Variants in CACNA1A observed in about 807,000 individuals in gnomAD.
The protein encoded by CACNA1A is calcium voltage-gated channel subunit alpha1 A.
A neutral mutation model predicts 262.4 loss-of-function variants in CACNA1A; 57 were observed. The ratio of observed to expected loss-of-function variants is 0.22; its 90% CI spans 0.18 to 0.27. The LOEUF (loss-of-function observed/expected upper bound fraction) is 0.27. Ranked by LOEUF, CACNA1A falls within the 10% of genes least tolerant of loss-of-function variation. The pLI, the probability that CACNA1A is intolerant of heterozygous loss-of-function variation, is 1.00. For missense variants in CACNA1A, 2,526 were observed against 3,562.8 expected, an observed-to-expected ratio of 0.71 and a Z score of 7.41; for synonymous variants, 1,431 against 1,419.3, an observed-to-expected ratio of 1.01 and a Z score of -0.18.
chr19:13,331,803 G>C (rs2058473654), intron 9 of CACNA1A, among the ~76,000 whole-genome samples: 1 of 150,174 alleles, frequency 6.7e-6, no homozygotes, highest in Admixed American at 6.7e-5. Flanking sequence ...TGGGACCATA[G>C]GTGCGTGTGC....
intron 3 of CACNA1A, among the ~76,000 whole-genome samples, chr19:13,423,815 AAG>A (rs1284830679): frequency 6.6e-6 from 1 of 152,088 alleles, no homozygotes; most frequent in Admixed American, 6.6e-5. Context: ...GCACCTGGCC[AAG>A]AGTTTTCTTC....
intron 1 of CACNA1A, among the ~76,000 whole-genome samples, chr19:13,466,288 G>A (rs57246088): frequency 0.047 from 7,064 of 149,186 alleles, 378 homozygotes; most frequent in African/African-American, 0.13. Flanking sequence ...TACCCTGGGC[G>A]ACACAGTGAG....
intron 6 of CACNA1A, among the ~76,000 whole-genome samples, chr19:13,347,611 G>A (rs755463657): frequency 6.6e-5 from 10 of 152,182 alleles, no homozygotes; most frequent in Non-Finnish European, 1.3e-4. Context: ...AGATTGAGTC[G>A]TTGCGATGGA....
At chr19:13,396,604 A>G (rs1412239983) in intron 3 of CACNA1A, among the ~76,000 whole-genome samples, 3 of 152,228 alleles carry the variant, frequency 2.0e-5, no homozygotes, top group Non-Finnish European at 4.4e-5. Context: ...ATGAATGTAC[A>G]TTTATATTTA....
At chr19:13,475,966 G>A (rs1183788722) in intron 1 of CACNA1A, among the ~76,000 whole-genome samples, 3 of 152,114 alleles carry the variant, frequency 2.0e-5, no homozygotes, top group African/African-American at 7.2e-5. Context: ...ATAGTGCAGG[G>A]GTTTATATGA....
chr19:13,285,277 T>G, intron 20 of CACNA1A, 71 bp from the exon 21 acceptor site: 1 of 1,570,286 alleles, frequency 6.4e-7, no homozygotes, highest in East Asian at 2.2e-5. Context: ...TCCTGTGTAC[T>G]CCCAGGGCAG....
intron 34 of CACNA1A, 22 bp downstream of exon 34, chr19:13,234,899 T>G (rs1568446820): frequency 1.3e-6 from 2 of 1,520,118 alleles, no homozygotes; most frequent in Non-Finnish European, 1.8e-6. Flanking sequence ...AACAGAATTA[T>G]CAGAGCAGGT....
At chr19:13,365,944 A>T (rs1285150934) in intron 4 of CACNA1A, 1 of 152,312 alleles carries the variant, frequency 6.6e-6, no homozygotes, top group Non-Finnish European at 1.5e-5. Context: ...TGCTAGGATT[A>T]TAGGTGTGAG....
chr19:13,384,785 G>A (rs1448931594), intron 3 of CACNA1A, among the ~76,000 whole-genome samples: 2 of 152,120 alleles, frequency 1.3e-5, no homozygotes, highest in African/African-American at 2.4e-5. Flanking sequence ...TGGTCTCCAG[G>A]GCCGCACAGA....
At chr19:13,235,574 T>A (rs745631425) in intron 32 of CACNA1A, 40 bp downstream of exon 32, 19 of 1,385,320 alleles carry the variant, frequency 1.4e-5, no homozygotes, top group Non-Finnish European at 1.7e-5. Flanking sequence ...GGGTCACCTG[T>A]CTTCTCAGCC....
chr19:13,247,074 G>C (rs2144699843), intron 30 of CACNA1A, among the ~76,000 whole-genome samples: 1 of 152,348 alleles, frequency 6.6e-6, no homozygotes, highest in Admixed American at 6.5e-5. Flanking sequence ...CCAAGAGTCT[G>C]GGTCAAAGAG....
chr19:13,216,913 G>C (rs1461855006), intron 38 of CACNA1A, among the ~76,000 whole-genome samples: 1 of 152,100 alleles, frequency 6.6e-6, no homozygotes, highest in African/African-American at 2.4e-5. Flanking sequence ...GCCTGGGGTG[G>C]GGGGCTTGAA....
At chr19:13,240,298 G>A (rs1395167399) in intron 31 of CACNA1A, among the ~76,000 whole-genome samples, 1 of 152,070 alleles carries the variant, frequency 6.6e-6, no homozygotes, top group Non-Finnish European at 1.5e-5. Flanking sequence ...CAGTGACTGT[G>A]TGTGTATAGC....
At chr19:13,208,656 G>C in intron 46 of CACNA1A, 100 bp downstream of exon 46, 1 of 1,379,682 alleles carries the variant, frequency 7.2e-7, no homozygotes, top group Non-Finnish European at 9.6e-7. Flanking sequence ...GCCGGGATCC[G>C]GGGACCTTTG....
intron 3 of CACNA1A, among the ~76,000 whole-genome samples, chr19:13,441,412 A>G (rs57314810): frequency 0.13 from 20,287 of 152,084 alleles, 1,782 homozygotes; most frequent in East Asian, 0.27. Context: ...CACAGCTGCA[A>G]TCCCAGCACT....
rs181665611 is a variant in CACNA1A at position 13,298,475 on chromosome 19, G to T, written c.3089+69C>A. The T allele has an allele frequency of 6.0e-6, 8 of 1,330,696 alleles. No individual in the cohort carries two copies. In the African/African-American group the frequency reaches 1.2e-4, roughly 20 times the overall value. The allele number at this position is 1,330,696 out of a possible 1,614,324, so 82.4% of individuals were successfully genotyped here. ...ATTTTTATAAACAAATACACAGCACGTGCTACTTTGGCTGTTGTCATTATT... is the reference window on the plus strand; with the variant it reads ...ATTTTTATAAACAAATACACAGCACTTGCTACTTTGGCTGTTGTCATTATT... On this transcript the variant is annotated intron_variant, in intron 19 of 46. Coordinates refer to ENST00000360228, the MANE Select transcript of CACNA1A (RefSeq NM_001127222.2).
At chr19:13,215,877 C>T (rs1300955578) in intron 38 of CACNA1A, among the ~76,000 whole-genome samples, 1 of 152,186 alleles carries the variant, frequency 6.6e-6, no homozygotes, top group Non-Finnish European at 1.5e-5. Flanking sequence ...CTGTTCAAGG[C>T]TGGGACGCCC....
At position 13,253,069 on chromosome 19, in the gene CACNA1A, G is replaced by A; in HGVS notation, c.4788C>T (p.Ala1596=). 2 of 1,613,528 alleles carry A rather than the reference G, an allele frequency of 1.2e-6. No individual in the cohort carries two copies. The highest frequency in any genetic ancestry group is 8.5e-7 in the Non-Finnish European group (1 of 1,179,528). ...TGAAGACGATGTTGAACACCCGCAGGGCATTTTCATAAGCAACAGAAGCCC... is the reference window on the plus strand; with the variant it reads ...TGAAGACGATGTTGAACACCCGCAGAGCATTTTCATAAGCAACAGAAGCCC... ...FYGASVAYEN[A]LRVFNIVFTS... is the part of the protein sequence containing the mutation. Residue 1596 remains alanine (A), a synonymous_variant, in exon 30 of 47, where the codon GCC becomes GCT. Transcript: ENST00000360228.
intron 34 of CACNA1A, among the ~76,000 whole-genome samples, chr19:13,234,108 G>A (rs534733724): frequency 3.0e-4 from 44 of 148,458 alleles, no homozygotes; most frequent in Non-Finnish European, 5.5e-4. Flanking sequence ...CCAGCACTTT[G>A]GGAGGCCGAG....
Sources: gnomAD v4.1 joint callset for allele counts (sites outside exome capture counted in the v4.1 genomes callset) on GRCh38, gnomAD v4.1.1 for gene constraint, MANE v1.5 for transcripts, NCBI Gene and HGNC (gene_info 2026-07-23, HGNC 2026-07-21) for gene names.